ARID1B: variants seen among roughly 807,000 people sequenced by gnomAD.
The protein encoded by ARID1B is AT-rich interactive domain-containing protein 1B.
In ARID1B, 30 loss-of-function variants were observed where a neutral mutation model predicts 212.3. The ratio of observed to expected loss-of-function variants is 0.14; its 90% CI spans 0.11 to 0.19. ARID1B has a LOEUF of 0.19. Among genes scored for constraint, ARID1B ranks in the 10% least tolerant of loss-of-function variants. ARID1B has a pLI of 1.00. For synonymous variants in ARID1B, 1,402 were observed against 1,301.7 expected (o/e 1.08, Z -1.66); for missense variants, 2,891 against 3,204.0 (o/e 0.90, Z 2.36).
Position 156,829,390 on chromosome 6 carries a change from C to T in ARID1B, c.1955C>T (p.Ala652Val). 1 of 1,614,164 alleles carries T rather than the reference C, an allele frequency of 6.2e-7. No individual in the cohort carries two copies. Among genetic ancestry groups the T allele is most frequent in the Non-Finnish European group, 8.5e-7 (1 of 1,180,024 alleles). Residue 652 changes from alanine (A) to valine (V), a missense_variant, in exon 2 of 20, where the codon GCC becomes GTC. Coordinates refer to ENST00000636930, the MANE Select transcript of ARID1B (RefSeq NM_001374828.1). ...PIGIQGRTPG[A>V]MAGMQYPQQQ... ...GGCATCCAGGGTCGGACTCCCGGGGCCATGGCCGGAATGCAGTACCCTCAG... is the reference window on the plus strand; with the variant it reads ...GGCATCCAGGGTCGGACTCCCGGGGTCATGGCCGGAATGCAGTACCCTCAG...
intron 2 of ARID1B, among the ~76,000 whole-genome samples, chr6:156,899,805 T>C (rs1788776272): frequency 6.6e-6 from 1 of 152,202 alleles, no homozygotes; most frequent in Non-Finnish European, 1.5e-5. Flanking sequence ...AGTCAACATA[T>C]TAAAGCGCAA....
At chr6:157,007,692 A>T (rs547283322) in intron 4 of ARID1B, among the ~76,000 whole-genome samples, 3 of 151,350 alleles carry the variant, frequency 2.0e-5, no homozygotes, top group African/African-American at 2.4e-5. Flanking sequence ...TTCCATAGGA[A>T]TTTTTGCAGC....
chr6:156,832,820 T>A (rs771051322), intron 2 of ARID1B, among the ~76,000 whole-genome samples: 1 of 152,208 alleles, frequency 6.6e-6, no homozygotes, highest in African/African-American at 2.4e-5. Context: ...ACCCTGGTGA[T>A]CTTTGATTTG....
chr6:156,877,263 C>T (rs1383378933), intron 2 of ARID1B, among the ~76,000 whole-genome samples: 1 of 152,152 alleles, frequency 6.6e-6, no homozygotes, highest in Non-Finnish European at 1.5e-5. Context: ...GATGGCATGA[C>T]CCTTCTGGAC....
At chr6:157,039,694 C>CTTCCTTCCTTCCTTCCTTCCTTCCTT (rs1554287218) in intron 4 of ARID1B, among the ~76,000 whole-genome samples, 13 of 58,472 alleles carry the variant, frequency 2.2e-4, no homozygotes, top group South Asian at 5.0e-4. Context: ...TCCTTCCTTC[C>CTTCCTTCCTTCCTTCCTTCCTTCCTT]TTCTTTCTTT....
At chr6:156,809,713 G>GAAAA (rs370188789) in intron 1 of ARID1B, among the ~76,000 whole-genome samples, 50 of 104,436 alleles carry the variant, frequency 4.8e-4, no homozygotes, top group Admixed American at 2.0e-3. Context: ...CTTTTTCAAA[G>GAAAA]AAAAAAAAAA....
At chr6:156,868,222 ATTC>A (rs1330907704) in intron 2 of ARID1B, among the ~76,000 whole-genome samples, 1 of 152,210 alleles carries the variant, frequency 6.6e-6, no homozygotes, top group South Asian at 2.1e-4. Flanking sequence ...AAGCTCAATC[ATTC>A]TTCTTCCTCC....
intron 3 of ARID1B, among the ~76,000 whole-genome samples, chr6:156,917,190 A>G (rs1433617471): frequency 6.6e-6 from 1 of 152,232 alleles, no homozygotes; most frequent in Non-Finnish European, 1.5e-5. Flanking sequence ...AAGCAGCAAC[A>G]TAATTTCAAA....
chr6:156,945,233 C>CTTTTTTTTTT lies in ARID1B; in HGVS notation c.2247+9683_2247+9692dup, dbSNP rs1164805779. ...GACCGGTGTGAGCCCCCGCATCCGG[C>CTTTTTTTTTT]TTTTTTTTTTTTTTTTTTTTTTTTT... On this transcript the variant is annotated intron_variant, in intron 4 of 19. Coordinates refer to ENST00000636930, the MANE Select transcript of ARID1B (RefSeq NM_001374828.1). Among the ~76,000 whole-genome samples, 20 of 32,664 alleles carry CTTTTTTTTTT rather than the reference C, an allele frequency of 6.1e-4. 4 individuals carry two copies. Among genetic ancestry groups the CTTTTTTTTTT allele is most frequent in the Non-Finnish European group, 7.5e-4 (13 of 17,240 alleles). 21.4% of individuals were successfully genotyped at this position (32,664 alleles called of 152,430 possible).
intron 4 of ARID1B, among the ~76,000 whole-genome samples, chr6:157,079,271 C>G (rs1218525815): frequency 6.6e-6 from 1 of 152,108 alleles, no homozygotes; most frequent in Non-Finnish European, 1.5e-5. Context: ...GAGCTTTTAA[C>G]TCATTTGCTG....
chr6:157,006,173 C>T (rs1309771725), intron 4 of ARID1B, among the ~76,000 whole-genome samples: 1 of 152,150 alleles, frequency 6.6e-6, no homozygotes, highest in Non-Finnish European at 1.5e-5. Flanking sequence ...GAACTAAGAT[C>T]TAGAGACCAT....
intron 4 of ARID1B, among the ~76,000 whole-genome samples, chr6:157,010,165 T>C (rs1448015893): frequency 6.6e-6 from 1 of 152,158 alleles, no homozygotes; most frequent in Non-Finnish European, 1.5e-5. Flanking sequence ...AGGGGTTTTG[T>C]TTTTGTTTTT....
chr6:156,927,953 G>T (rs1225079712), intron 3 of ARID1B, among the ~76,000 whole-genome samples: 1 of 152,216 alleles, frequency 6.6e-6, no homozygotes, highest in East Asian at 1.9e-4. Context: ...CCCATTTGAG[G>T]TTGGTTTGAG....
intron 4 of ARID1B, among the ~76,000 whole-genome samples, chr6:157,048,928 C>G (rs910595611): frequency 2.9e-4 from 44 of 152,146 alleles, no homozygotes; most frequent in African/African-American, 1.0e-3. Context: ...AATCCCAGCA[C>G]TTTGGGAGAC....
intron 2 of ARID1B, among the ~76,000 whole-genome samples, chr6:156,900,594 CTCTT>C (rs1210479319): frequency 6.6e-6 from 1 of 152,138 alleles, no homozygotes; most frequent in African/African-American, 2.4e-5. Flanking sequence ...TTCCTGCTCT[CTCTT>C]GAAATTACAG....
At chr6:156,950,001 T>C (rs757818744) in intron 4 of ARID1B, among the ~76,000 whole-genome samples, 10 of 152,238 alleles carry the variant, frequency 6.6e-5, no homozygotes, top group Admixed American at 1.3e-4. Context: ...GGAATAATTA[T>C]AGGTGTATAG....
intron 3 of ARID1B, chr6:156,901,862 G>A: frequency 3.4e-6 from 1 of 296,892 alleles, no homozygotes; most frequent in Admixed American, 4.7e-5. Flanking sequence ...TCAGGAGAAG[G>A]ATTTTATCAA....
chr6:157,051,466 T>C, intron 4 of ARID1B, among the ~76,000 whole-genome samples: 1 of 152,246 alleles, frequency 6.6e-6, no homozygotes, highest in Non-Finnish European at 1.5e-5. Flanking sequence ...TGGATTCTCT[T>C]ATTAAGCAAA....
intron 1 of ARID1B, among the ~76,000 whole-genome samples, chr6:156,795,144 T>A (rs2083245227): frequency 1.0e-5 from 1 of 99,140 alleles, no homozygotes; most frequent in South Asian, 2.6e-4. Flanking sequence ...GAGGAAAGCC[T>A]GCTTGGCTTG....
Sources: allele counts gnomAD v4.1 joint callset (sites outside exome capture counted in the v4.1 genomes callset), GRCh38; gene constraint gnomAD v4.1.1; transcripts MANE v1.5; gene names NCBI Gene and HGNC (gene_info 2026-07-23, HGNC 2026-07-21).